ELAVL2: variants seen among roughly 807,000 people sequenced by gnomAD.
The protein encoded by ELAVL2 is ELAV-like protein 2.
In ELAVL2, 4 loss-of-function variants were observed where a neutral mutation model predicts 34.6. The ratio of observed to expected loss-of-function variants is 0.12; its 90% confidence interval spans 0.06 to 0.26. The LOEUF is 0.26. Ranked by LOEUF, ELAVL2 falls within the 10% of genes least tolerant of loss-of-function variation. The pLI is 1.00. For missense variants in ELAVL2, 432 were observed against 442.8 expected, an observed-to-expected ratio of 0.98 and a Z score of 0.22; for synonymous variants, 193 against 154.8, an observed-to-expected ratio of 1.25 and a Z score of -1.83.
At chr9:23,781,038 T>C (rs2058991520) in intron 1 of ELAVL2, among the ~76,000 whole-genome samples, 1 of 152,208 alleles carries the variant, frequency 6.6e-6, no homozygotes. Context: ...TATTTCTTAA[T>C]GATTCTGTGA....
chr9:23,708,349 A>G (rs903746729), intron 3 of ELAVL2, among the ~76,000 whole-genome samples: 1 of 152,230 alleles, frequency 6.6e-6, no homozygotes, highest in East Asian at 1.9e-4. Context: ...GGTAGGCAGC[A>G]TACATATTAG....
At chr9:23,769,370 A>G (rs947913103) in intron 1 of ELAVL2, among the ~76,000 whole-genome samples, 1 of 152,296 alleles carries the variant, frequency 6.6e-6, no homozygotes, top group Non-Finnish European at 1.5e-5. Flanking sequence ...CCCGACACAC[A>G]CCATTCCTAT....
chr9:23,825,363 T>C (rs945370973), intron 1 of ELAVL2, among the ~76,000 whole-genome samples: 2 of 152,184 alleles, frequency 1.3e-5, no homozygotes, highest in African/African-American at 2.4e-5. Flanking sequence ...AAGCCTGTGG[T>C]TTTCGCTGGT....
At chr9:23,764,646 A>C (rs991299504) in intron 1 of ELAVL2, among the ~76,000 whole-genome samples, 1 of 152,154 alleles carries the variant, frequency 6.6e-6, no homozygotes, top group African/African-American at 2.4e-5. Flanking sequence ...TAACTTCAAA[A>C]TTTAGTAACC....
chr9:23,771,655 T>C (rs1641853559), intron 1 of ELAVL2, among the ~76,000 whole-genome samples: 1 of 152,174 alleles, frequency 6.6e-6, no homozygotes, highest in African/African-American at 2.4e-5. Flanking sequence ...AAACATAGTA[T>C]ATCAGAAAAT....
intron 3 of ELAVL2, among the ~76,000 whole-genome samples, chr9:23,719,621 TAA>T (rs1463660257): frequency 2.0e-5 from 3 of 152,092 alleles, no homozygotes; most frequent in Non-Finnish European, 4.4e-5. Flanking sequence ...GTTTCTAAAT[TAA>T]GTTTGCATAT....
intron 3 of ELAVL2, among the ~76,000 whole-genome samples, chr9:23,717,731 G>T (rs1020747765): frequency 6.6e-6 from 1 of 152,038 alleles, no homozygotes; most frequent in African/African-American, 2.4e-5. Context: ...CCAAATAATG[G>T]TCATATAAAC....
chr9:23,764,247 C>T (rs1349504752), intron 1 of ELAVL2, among the ~76,000 whole-genome samples: 1 of 152,090 alleles, frequency 6.6e-6, no homozygotes, highest in East Asian at 1.9e-4. Flanking sequence ...ATGGGAGATT[C>T]GGACTAAAGC....
At chr9:23,806,216 A>G (rs2062200267) in intron 1 of ELAVL2, among the ~76,000 whole-genome samples, 2 of 152,220 alleles carry the variant, frequency 1.3e-5, no homozygotes, top group South Asian at 2.1e-4. Context: ...AAGTTATACA[A>G]CTTCATAGCA....
At chr9:23,822,005 G>T (rs1049427886) in intron 1 of ELAVL2, among the ~76,000 whole-genome samples, 2 of 151,618 alleles carry the variant, frequency 1.3e-5, no homozygotes, top group African/African-American at 4.8e-5. Flanking sequence ...GCTCAGCTCC[G>T]TCCCTCCGGA....
At chr9:23,753,166 C>T (rs980313160) in intron 2 of ELAVL2, among the ~76,000 whole-genome samples, 13 of 152,068 alleles carry the variant, frequency 8.5e-5, no homozygotes, top group Admixed American at 7.9e-4. Context: ...AAATAAAATG[C>T]CAGAAAATAT....
intron 3 of ELAVL2, among the ~76,000 whole-genome samples, chr9:23,721,546 CAA>C (rs1176836702): frequency 6.6e-6 from 1 of 152,196 alleles, no homozygotes; most frequent in Non-Finnish European, 1.5e-5. Flanking sequence ...TTGCAGCATT[CAA>C]AAGAGTTCTT....
chr9:23,818,801 G>A (rs993750224), intron 1 of ELAVL2, among the ~76,000 whole-genome samples: 26 of 152,202 alleles, frequency 1.7e-4, no homozygotes, highest in African/African-American at 6.3e-4. Flanking sequence ...TCATCAAAAA[G>A]GGGAATGGTA....
rs2032917898 is a variant in ELAVL2, at chr9:23,690,766, T to C, written c.*1791A>G. ...TTATACAAAAAGCAGGACGTAACTATATAGTTCTCAGTGCATCCTGATGAA... is the reference window on the plus strand; with the variant it reads ...TTATACAAAAAGCAGGACGTAACTACATAGTTCTCAGTGCATCCTGATGAA... On this transcript the variant is annotated 3_prime_UTR_variant, in exon 7 of 7. Transcript: ENST00000397312. 6.6e-6 allele frequency: 1 copy of C among 152,640 alleles called. No individual in the cohort carries two copies. The allele number at this position is 152,640 out of a possible 1,614,324, so 9.5% of individuals were successfully genotyped here.
chr9:23,840,309 C>T, the ELAVL2 span, among the ~76,000 whole-genome samples: 1 of 152,190 alleles, frequency 6.6e-6, no homozygotes, highest in Admixed American at 6.5e-5. Context: ...ACACAATCTA[C>T]CTGTGAGGTT....
intron 3 of ELAVL2, among the ~76,000 whole-genome samples, chr9:23,708,341 T>C (rs1260883818): frequency 6.6e-6 from 1 of 152,172 alleles, no homozygotes; most frequent in East Asian, 1.9e-4. Context: ...CCCCATGAGG[T>C]AGGCAGCATA....
chr9:23,773,409 T>C (rs1273606210), intron 1 of ELAVL2, among the ~76,000 whole-genome samples: 1 of 152,164 alleles, frequency 6.6e-6, no homozygotes, highest in African/African-American at 2.4e-5. Context: ...CTCTTACTCC[T>C]ACTTTTGTCA....
At chr9:23,850,407 G>C in the ELAVL2 span, among the ~76,000 whole-genome samples, 4 of 152,082 alleles carry the variant, frequency 2.6e-5, no homozygotes, top group South Asian at 8.3e-4. Flanking sequence ...TCCACTTGAG[G>C]TCTGGGGTTG....
intron 1 of ELAVL2, among the ~76,000 whole-genome samples, chr9:23,811,210 A>G (rs3793596): frequency 0.034 from 5,146 of 152,246 alleles, 135 homozygotes; most frequent in East Asian, 0.1. Context: ...ATTTTTTCAA[A>G]AAGTCCAAGA....
Sources: allele counts gnomAD v4.1 joint callset (sites outside exome capture counted in the v4.1 genomes callset), GRCh38; gene constraint gnomAD v4.1.1; transcripts MANE v1.5; gene names NCBI Gene and HGNC (gene_info 2026-07-23, HGNC 2026-07-21).